The following SORT1 variants were observed in gnomAD, a reference collection of about 807,000 sequenced individuals.
SORT1 encodes sortilin.
In SORT1, 39 loss-of-function variants were observed where a neutral mutation model predicts 101.7. The ratio of observed to expected loss-of-function variants is 0.38; its 90% CI spans 0.30 to 0.50. The LOEUF is 0.50. Ranked by LOEUF, SORT1 falls within the 20% of genes least tolerant of loss-of-function variation. The pLI is 0.90. For missense variants in SORT1, 878 were observed against 1,040.4 expected (o/e 0.84, Z 2.15); for synonymous variants, 396 against 393.7 (o/e 1.01, Z -0.07).
intron 18 of SORT1, 31 bp downstream of exon 18, chr1:109,314,641 A>G: frequency 6.9e-7 from 1 of 1,446,976 alleles, no homozygotes; most frequent in Non-Finnish European, 9.7e-7. Flanking sequence ...GCTTGAACTC[A>G]GTACCTTGGA....
chr1:109,348,554 T>C (rs769156114), intron 6 of SORT1, among the ~76,000 whole-genome samples: 2 of 152,188 alleles, frequency 1.3e-5, no homozygotes, highest in African/African-American at 2.4e-5. Flanking sequence ...AGTGGTGCAA[T>C]CACAGCTCAC....
rs1273180043 is a variant in SORT1 at position 109,324,988 on chromosome 1, T to C, written c.1745A>G (p.Asn582Ser). 6.2e-7 allele frequency: 1 copy of C among 1,613,570 alleles called. No individual in the cohort carries two copies. The highest frequency in any genetic ancestry group is 8.5e-7 in the Non-Finnish European group (1 of 1,179,598). The change falls in exon 14 of 20, where the codon AAT becomes AGT. Residue 582 changes from asparagine (N) to serine (S), a missense_variant. By Grantham distance (46) the Asn-to-Ser change is conservative (BLOSUM62 1). Coordinates refer to ENST00000256637, the MANE Select transcript of SORT1 (RefSeq NM_002959.7). ...LASEPGARSMNISIWGFTESF... is the reference protein window; with the variant it reads ...LASEPGARSMSISIWGFTESF... ...TTCTGTGAAGCCCCAAATGCTGATATTCATGGACCTAGCTCCAGGTTCTGA... is the reference window on the plus strand; with the variant it reads ...TTCTGTGAAGCCCCAAATGCTGATACTCATGGACCTAGCTCCAGGTTCTGA...
intron 17 of SORT1, among the ~76,000 whole-genome samples, chr1:109,315,613 T>G (rs1442779437): frequency 1.3e-5 from 2 of 152,106 alleles, no homozygotes; most frequent in African/African-American, 2.4e-5. Flanking sequence ...TATTACGAAT[T>G]GGGAAACGGG....
rs1658906846 is a variant in SORT1 at position 109,314,309 on chromosome 1, G to C, written c.2433C>G (p.Asp811Glu). 6.2e-7 allele frequency: 1 copy of C among 1,613,604 alleles called. No individual in the cohort carries two copies. ...ANGVDGVDAL[D>E]TASHTNKSGY... is the part of the protein sequence containing the mutation. Reference sequence around the variant, plus strand: ...CACTTTTATTAGTGTGGGAGGCTGTGTCCAAAGCATCCACACCATCCACAC... The same window carrying C: ...CACTTTTATTAGTGTGGGAGGCTGTCTCCAAAGCATCCACACCATCCACAC... Residue 811 changes from aspartate to glutamate, a missense_variant, in exon 19 of 20, where the codon GAC becomes GAG. Around this residue, in one of 2 missense-constraint regions of SORT1, gnomAD observed 684 missense variants for 894.5 expected, o/e 0.76. Coordinates refer to ENST00000256637, the MANE Select transcript of SORT1 (RefSeq NM_002959.7).
chr1:109,314,198 G>T, intron 19 of SORT1, 63 bp downstream of exon 19: 1 of 1,332,098 alleles, frequency 7.5e-7, no homozygotes, highest in Non-Finnish European at 1.0e-6. Context: ...ATAGAAGACA[G>T]ACTTTATTTT....
chr1:109,321,413 G>A (rs996104322), intron 15 of SORT1, among the ~76,000 whole-genome samples: 1 of 152,108 alleles, frequency 6.6e-6, no homozygotes, highest in Non-Finnish European at 1.5e-5. Context: ...AAAAACCATG[G>A]CACTGCTGGA....
chr1:109,356,322 G>C (rs538477275), intron 3 of SORT1, among the ~76,000 whole-genome samples: 11 of 152,270 alleles, frequency 7.2e-5, no homozygotes, highest in African/African-American at 2.6e-4. Flanking sequence ...AGAGTACTAA[G>C]GTTGAGAAAC....
intron 3 of SORT1, 145 bp downstream of exon 3, chr1:109,367,263 G>T: frequency 3.5e-6 from 2 of 576,086 alleles, no homozygotes; most frequent in Non-Finnish European, 6.2e-6. Flanking sequence ...AAAAACATGT[G>T]CTGAGTGTGA....
intron 3 of SORT1, among the ~76,000 whole-genome samples, chr1:109,362,146 T>A (rs549716128): frequency 1.3e-5 from 2 of 152,258 alleles, no homozygotes; most frequent in South Asian, 4.1e-4. Flanking sequence ...ATGAATTCAG[T>A]GTTAATGAAT....
At chr1:109,339,317 G>A (rs77668662) in intron 10 of SORT1, among the ~76,000 whole-genome samples, 320 of 152,280 alleles carry the variant, frequency 2.1e-3, no homozygotes, top group African/African-American at 6.9e-3. Flanking sequence ...CTGTTCAGCC[G>A]TTTATTTGTA....
rs527750456 is a variant in SORT1, at chr1:109,340,296, C to G, written c.1264+428G>C. Among the ~76,000 whole-genome samples the G allele has an allele frequency of 4.6e-5, 7 of 152,122 alleles. No individual in the cohort carries two copies. The East Asian group carries it at 1.4e-3, about 29-fold the overall frequency. On this transcript the variant is annotated intron_variant, in intron 10 of 19. Transcript: ENST00000256637. ...GAAACAATATGCAAAATGAAAGAAG[C>G]CAGACATACAACAACCAATAGTGTA...
chr1:109,314,338 T>G lies in SORT1; in HGVS notation c.2404A>C (p.Asn802His). The change falls in exon 19 of 20, where the codon AAT becomes CAT. Residue 802 changes from asparagine (N) to histidine (H), a missense_variant. By Grantham distance (68) the Asn-to-His change is moderately conservative. Around this residue, in one of 2 missense-constraint regions of SORT1, gnomAD observed 684 missense variants for 894.5 expected, o/e 0.76. Coordinates refer to ENST00000256637, the MANE Select transcript of SORT1 (RefSeq NM_002959.7). ...AAAGCATCCACACCATCCACACCAT[T>G]GGCCTCTGCATGCTGCTGCAGCACA... ...YSVLQQHAEA[N>H]GVDGVDALDT... 1 of 1,614,066 alleles carries G rather than the reference T, an allele frequency of 6.2e-7. No homozygotes were observed. Among genetic ancestry groups the G allele is most frequent in the African/African-American group, 1.3e-5 (1 of 75,004 alleles).
At chr1:109,376,736 AT>A (rs1258594401) in intron 1 of SORT1, among the ~76,000 whole-genome samples, 2 of 152,206 alleles carry the variant, frequency 1.3e-5, no homozygotes, top group Non-Finnish European at 2.9e-5. Flanking sequence ...AAACGGGATT[AT>A]TAGAGGAGGG....
intron 3 of SORT1, among the ~76,000 whole-genome samples, chr1:109,358,912 T>C (rs773872923): frequency 6.6e-6 from 1 of 151,552 alleles, no homozygotes; most frequent in African/African-American, 2.4e-5. Flanking sequence ...TCAACACTAA[T>C]ATCCATTTTC....
At chr1:109,357,551 TGGAGATAACTTTTAATTATCTGTGAGGA>T in intron 3 of SORT1, among the ~76,000 whole-genome samples, 1 of 152,232 alleles carries the variant, frequency 6.6e-6, no homozygotes, top group African/African-American at 2.4e-5. Context: ...AGCCCTAAAC[TGGAGATAACTTTTAATTATCTGTGAGGA>T]TTTTTTCCCT....
Position 109,357,980 on chromosome 1 carries a change from G to A in SORT1, c.441-2511C>T, listed in dbSNP as rs143633186. Among the ~76,000 whole-genome samples, 29 of 152,306 alleles carry A rather than the reference G, an allele frequency of 1.9e-4. 1 individual carries two copies. In the East Asian group the frequency reaches 5.0e-3, roughly 26 times the overall value. On this transcript the variant is annotated intron_variant, in intron 3 of 19. Coordinates refer to ENST00000256637, the MANE Select transcript of SORT1 (RefSeq NM_002959.7). ...TAAATCTTCCAAAGGGGTTGAAGCAGCCTGATTAGTACTAGTTTACAAATT... is the reference window on the plus strand; with the variant it reads ...TAAATCTTCCAAAGGGGTTGAAGCAACCTGATTAGTACTAGTTTACAAATT...
chr1:109,381,160 G>A (rs1570981892), intron 1 of SORT1, among the ~76,000 whole-genome samples: 1 of 152,090 alleles, frequency 6.6e-6, no homozygotes, highest in East Asian at 1.9e-4. Flanking sequence ...CTATTCTTAG[G>A]AATTTGTCAT....
intron 1 of SORT1, among the ~76,000 whole-genome samples, chr1:109,378,787 A>C (rs1258078283): frequency 8.5e-6 from 1 of 118,284 alleles, no homozygotes; most frequent in East Asian, 2.7e-4. Context: ...TAGTTGTATA[A>C]ATGATAATTC....
intron 1 of SORT1, among the ~76,000 whole-genome samples, chr1:109,379,321 CA>C (rs1652078398): frequency 6.6e-6 from 1 of 150,838 alleles, no homozygotes; most frequent in South Asian, 2.1e-4. Context: ...AAAAATCATA[CA>C]AAAAAATCTC....
Sources: gnomAD v4.1 joint callset for allele counts (sites outside exome capture counted in the v4.1 genomes callset) on GRCh38, gnomAD v4.1.1 for gene constraint, gnomAD v4.1.1 regional missense constraint, MANE v1.5 for transcripts, NCBI Gene and HGNC (gene_info 2026-07-23, HGNC 2026-07-21) for gene names.